The following PTCHD4 variants were observed in gnomAD, a reference collection of about 807,000 sequenced individuals.
PTCHD4 encodes the protein patched domain-containing protein 4.
In PTCHD4, 33 loss-of-function variants were observed where a neutral mutation model predicts 58.1. That is an observed-to-expected ratio of 0.57 (90% confidence interval 0.43 to 0.76). The LOEUF (loss-of-function observed/expected upper bound fraction) is 0.76, where lower values mean the gene tolerates loss of function less well. PTCHD4 is among the 30% of genes least tolerant of loss of function. PTCHD4 has a pLI of 0.00. For missense variants in PTCHD4, 1,058 were observed against 1,027.1 expected (o/e 1.03, Z -0.41); for synonymous variants, 478 against 409.6 (o/e 1.17, Z -2.02).
chr6:48,008,138 T>C (rs953602671), intron 4 of PTCHD4, among the ~76,000 whole-genome samples: 1 of 152,238 alleles, frequency 6.6e-6, no homozygotes, highest in South Asian at 2.1e-4. Context: ...GGTAGGGGAA[T>C]GGAGTATACT....
At chr6:47,904,378 A>G (rs1466404803) in intron 4 of PTCHD4, among the ~76,000 whole-genome samples, 1 of 152,188 alleles carries the variant, frequency 6.6e-6, no homozygotes, top group African/African-American at 2.4e-5. Flanking sequence ...TTTGGAAATA[A>G]ATTTTGTTGG....
At position 48,009,103 on chromosome 6, in the gene PTCHD4, G is replaced by A. The variant is rs747499907; in HGVS notation, c.429C>T (p.Asn143=). 10 of 1,605,164 alleles carry A rather than the reference G, an allele frequency of 6.2e-6. 1 individual carries two copies. The South Asian group carries it at 1.0e-4, about 16-fold the overall frequency. Residue 143 remains asparagine, a synonymous_variant, in exon 4 of 5, where the codon AAC becomes AAT. Transcript: ENST00000339488. The part of the protein sequence containing the change: ...RAVLEMKDGR[N]SFIGHQLGGV... ...CGCCCAGTTGGTGTCCAATAAAACT[G>A]TTCCTCCCATCCTTGAAAACAGAAA...
rs1764176334 is a variant in PTCHD4, at chr6:47,885,868, T to C, written c.899-5932A>G. ...GAGTCTCACTCTTTCACCCAGGCCA[T>C]AGTGCGGTGGCGAGATCTCAGCTCC... is the stretch of plus-strand genomic sequence containing the variant. On this transcript the variant is annotated intron_variant, in intron 4 of 4. Coordinates refer to ENST00000339488, the MANE Select transcript of PTCHD4 (RefSeq NM_001384253.1). Among the ~76,000 whole-genome samples the C allele has an allele frequency of 2.0e-5, 3 of 151,950 alleles. No individual in the cohort carries two copies. The South Asian group carries it at 6.3e-4, about 32-fold the overall frequency.
At chr6:48,021,497 T>C (rs1763070840) in intron 3 of PTCHD4, among the ~76,000 whole-genome samples, 1 of 152,202 alleles carries the variant, frequency 6.6e-6, no homozygotes, top group African/African-American at 2.4e-5. Context: ...TTCCATCTCA[T>C]ACATTTGTTT....
rs1763412632 is a variant in PTCHD4, at chr6:47,860,993, G to T, written c.*17310C>A. On this transcript the variant is annotated 3_prime_UTR_variant, in exon 5 of 5. Transcript: ENST00000339488. ...CTCCATGCTGAGGTCGAATGAAGAA[G>T]ATAGAAAGTGCCCCTGGATGCCTCT... Among the ~76,000 whole-genome samples, 1 of 151,950 alleles carries T rather than the reference G, an allele frequency of 6.6e-6. No homozygotes were observed. The highest frequency in any genetic ancestry group is 1.5e-5 in the Non-Finnish European group (1 of 67,942).
chr6:48,019,746 A>T (rs953907088), intron 3 of PTCHD4, among the ~76,000 whole-genome samples: 1 of 151,056 alleles, frequency 6.6e-6, no homozygotes, highest in Non-Finnish European at 1.5e-5. Flanking sequence ...AAAAAAAAAA[A>T]AAATAATAAT....
Position 47,929,882 on chromosome 6 carries a change from C to T in PTCHD4, c.899-49946G>A, listed in dbSNP as rs770512728. The stretch of plus-strand genomic sequence containing the variant: ...TGGTGGGAGCATTCTACGCCCCTCA[C>T]AGATTGGTGAATCGGAGACCATGCT... On this transcript the variant is annotated intron_variant, in intron 4 of 4. Transcript: ENST00000339488. 5.9e-5 allele frequency among the ~76,000 whole-genome samples: 9 copies of T among 152,362 alleles called. No individual in the cohort carries two copies. The South Asian group carries it at 8.3e-4, about 14-fold the overall frequency.
intron 4 of PTCHD4, among the ~76,000 whole-genome samples, chr6:47,894,181 T>C (rs1764461898): frequency 6.6e-6 from 1 of 152,224 alleles, no homozygotes; most frequent in African/African-American, 2.4e-5. Context: ...ATGAGTACAG[T>C]ACAGGCTTCC....
chr6:48,017,393 C>A (rs1035862058), intron 3 of PTCHD4, among the ~76,000 whole-genome samples: 4 of 151,966 alleles, frequency 2.6e-5, no homozygotes, highest in Non-Finnish European at 5.9e-5. Context: ...TATTTTGTCA[C>A]ATTAGTAAGC....
chr6:48,015,849 C>T (rs1458919986), intron 3 of PTCHD4, among the ~76,000 whole-genome samples: 1 of 151,858 alleles, frequency 6.6e-6, no homozygotes, highest in Non-Finnish European at 1.5e-5. Flanking sequence ...GTGTAATAAA[C>T]ATTCCATAAT....
rs942683747 is a variant in PTCHD4 at position 47,865,584 on chromosome 6, C to T, written c.*12719G>A. On this transcript the variant is annotated 3_prime_UTR_variant, in exon 5 of 5. Coordinates refer to ENST00000339488, the MANE Select transcript of PTCHD4 (RefSeq NM_001384253.1). ...CACTCAAAGTTCTTGGGTGTTCAGG[C>T]CATCTTACAGATATAAGTTTTGTGA... 6.6e-6 allele frequency among the ~76,000 whole-genome samples: 1 copy of T among 151,820 alleles called. No homozygotes were observed. The highest frequency in any genetic ancestry group is 1.5e-5 in the Non-Finnish European group (1 of 67,876).
chr6:47,887,703 A>G (rs80049762), intron 4 of PTCHD4, among the ~76,000 whole-genome samples: 1,854 of 152,310 alleles, frequency 0.012, 37 homozygotes, highest in African/African-American at 0.041. Flanking sequence ...AACTCTTTAG[A>G]TATTTTCTAA....
At chr6:48,001,099 TAA>T (rs1768703672) in intron 4 of PTCHD4, among the ~76,000 whole-genome samples, 2 of 151,894 alleles carry the variant, frequency 1.3e-5, no homozygotes, top group African/African-American at 4.8e-5. Flanking sequence ...CTCAATGAAA[TAA>T]AAGAGGATAC....
chr6:47,981,565 A>G (rs1394556269), intron 4 of PTCHD4, among the ~76,000 whole-genome samples: 1 of 152,152 alleles, frequency 6.6e-6, no homozygotes, highest in Non-Finnish European at 1.5e-5. Flanking sequence ...ATCTTTTGGT[A>G]GAATTTTATC....
chr6:47,925,963 T>A (rs1765599013), intron 4 of PTCHD4, among the ~76,000 whole-genome samples: 1 of 152,200 alleles, frequency 6.6e-6, no homozygotes, highest in Non-Finnish European at 1.5e-5. Context: ...GGTTGGCAGA[T>A]GAGGCTTCCA....
intron 4 of PTCHD4, among the ~76,000 whole-genome samples, chr6:47,948,140 A>G (rs1766492735): frequency 6.6e-6 from 1 of 152,166 alleles, no homozygotes; most frequent in African/African-American, 2.4e-5. Flanking sequence ...TCCATTTCCA[A>G]GCTCACATTG....
At chr6:47,895,664 C>T (rs1581841849) in intron 4 of PTCHD4, among the ~76,000 whole-genome samples, 1 of 152,058 alleles carries the variant, frequency 6.6e-6, no homozygotes, top group South Asian at 2.1e-4. Context: ...TCCACGTGCC[C>T]AACAAGTACA....
At position 47,879,757 on chromosome 6, in the gene PTCHD4, C is replaced by G. The variant is rs558942071; in HGVS notation, c.1078G>C (p.Ala360Pro). The G allele has an allele frequency of 2.2e-5, 36 of 1,613,444 alleles. No individual in the cohort carries two copies. The Admixed American group carries it at 5.8e-4, about 26-fold the overall frequency. The change falls in exon 5 of 5, where the codon GCT (alanine) becomes CCT (proline). Residue 360 changes from alanine (A) to proline (P), a missense_variant. By Grantham distance (27) the Ala-to-Pro change is conservative. Coordinates refer to ENST00000339488, the MANE Select transcript of PTCHD4 (RefSeq NM_001384253.1). ...MGASPFTNIE[A>P]VKVFCQNMCV... ...ATGTTTTGACAGAAGACCTTCACAG[C>G]CTCTATGTTTGTGAATGGGCTGGCA...
intron 3 of PTCHD4, among the ~76,000 whole-genome samples, chr6:48,067,834 AT>A (rs1562036597): frequency 6.9e-6 from 1 of 145,352 alleles, no homozygotes; most frequent in African/African-American, 2.5e-5. Context: ...TTTTTTTTTT[AT>A]TTTTGGTATT....
Sources: allele counts gnomAD v4.1 joint callset (sites outside exome capture counted in the v4.1 genomes callset), GRCh38; gene constraint gnomAD v4.1.1; transcripts MANE v1.5; gene names NCBI Gene and HGNC (gene_info 2026-07-23, HGNC 2026-07-21).